Variants in AGL observed in about 807,000 individuals in gnomAD.
AGL encodes the protein amylo-alpha-1,6-glucosidase and 4-alpha-glucanotransferase, also known as glycogen debranching enzyme.
In AGL, 128 loss-of-function variants were observed where a neutral mutation model predicts 199.3. That is an observed-to-expected ratio of 0.64 (90% CI 0.56 to 0.74). AGL has a LOEUF of 0.74. AGL is among the 30% of genes least tolerant of loss of function. The pLI, the probability that AGL is intolerant of heterozygous loss-of-function variation, is 0.00. For synonymous variants in AGL, 584 were observed against 594.7 expected, an observed-to-expected ratio of 0.98 and a Z score of 0.26; for missense variants, 1,809 against 1,820.8, an observed-to-expected ratio of 0.99 and a Z score of 0.12.
At chr1:99,875,794 G>T (rs1484263981) in intron 10 of AGL, among the ~76,000 whole-genome samples, 1 of 151,950 alleles carries the variant, frequency 6.6e-6, no homozygotes, top group Non-Finnish European at 1.5e-5. Flanking sequence ...CAACTAGAGT[G>T]CAGTAAAAGC....
chr1:99,871,336 A>G (rs190937941), intron 7 of AGL, among the ~76,000 whole-genome samples: 21 of 152,158 alleles, frequency 1.4e-4, no homozygotes, highest in African/African-American at 4.8e-4. Context: ...TATTGAAGCC[A>G]GATATTGACG....
intron 12 of AGL, among the ~76,000 whole-genome samples, chr1:99,879,584 C>CAGTA (rs1553186145): frequency 2.6e-5 from 4 of 151,046 alleles, no homozygotes; most frequent in Non-Finnish European, 5.9e-5. Context: ...AACTTGGTCT[C>CAGTA]AATAAATAAA....
At chr1:99,916,828 C>G in intron 33 of AGL, 97 bp downstream of exon 33, 1 of 1,273,240 alleles carries the variant, frequency 7.9e-7, no homozygotes, top group Non-Finnish European at 1.1e-6. Context: ...TTTCTGTATG[C>G]CCTAGGTATC....
intron 4 of AGL, among the ~76,000 whole-genome samples, chr1:99,862,968 G>A (rs750504084): frequency 1.1e-4 from 17 of 151,018 alleles, no homozygotes; most frequent in Non-Finnish European, 2.4e-4. Flanking sequence ...TTTTTGAGAC[G>A]GAGTATCACC....
intron 5 of AGL, among the ~76,000 whole-genome samples, chr1:99,868,044 C>G (rs1006662890): frequency 6.6e-6 from 1 of 152,104 alleles, no homozygotes; most frequent in Non-Finnish European, 1.5e-5. Context: ...AGGATAATTT[C>G]CAGGGACTAA....
rs951209840 is a variant in AGL, at chr1:99,874,781, C to T, written c.1053C>T (p.Asn351=). 6.2e-7 allele frequency: 1 copy of T among 1,613,802 alleles called. No individual in the cohort carries two copies. The highest frequency in any genetic ancestry group is 8.5e-7 in the Non-Finnish European group (1 of 1,179,770). ...GGTTTGGCTGTACTGTAGATATGAA[C>T]ATTGCACTAACGACTTTCATACCAC... The part of the protein sequence containing the change: ...YRRFGCTVDM[N]IALTTFIPHD... Residue 351 remains asparagine (N), a synonymous_variant, in exon 8 of 34, where the codon AAC becomes AAT. Coordinates refer to ENST00000361915, the MANE Select transcript of AGL (RefSeq NM_000642.3).
chr1:99,920,760 T>C (rs1376872766), intron 33 of AGL, among the ~76,000 whole-genome samples: 1 of 152,168 alleles, frequency 6.6e-6, no homozygotes, highest in Admixed American at 6.5e-5. Flanking sequence ...ATGAAACAAA[T>C]ATGTTCCCAC....
At chr1:99,917,532 G>A (rs1182169846) in intron 33 of AGL, among the ~76,000 whole-genome samples, 1 of 152,046 alleles carries the variant, frequency 6.6e-6, no homozygotes, top group Non-Finnish European at 1.5e-5. Flanking sequence ...TTCTGCTTTT[G>A]GAATATTTAG....
At chr1:99,882,369 GTA>G (rs1300400798) in intron 17 of AGL, among the ~76,000 whole-genome samples, 1 of 152,090 alleles carries the variant, frequency 6.6e-6, no homozygotes, top group Non-Finnish European at 1.5e-5. Flanking sequence ...GTCTTTGTGT[GTA>G]TATATGCACA....
Position 99,877,649 on chromosome 1 carries a change from G to A in AGL, c.1432G>A (p.Val478Ile), listed in dbSNP as rs527819721. 112 of 1,613,952 alleles carry A rather than the reference G, an allele frequency of 6.9e-5. 1 individual carries two copies. In the South Asian group the frequency reaches 8.8e-4, roughly 13 times the overall value. ...LRNFAEPGSE[V>I]YLRRELICWG... ...ATCTCTTTTCTGAACAGGTTCAGAAGTTTACCTAAGGAGAGAACTTATTTG... is the reference window on the plus strand; with the variant it reads ...ATCTCTTTTCTGAACAGGTTCAGAAATTTACCTAAGGAGAGAACTTATTTG... The change falls in exon 12 of 34, where the codon GTT (valine) becomes ATT (isoleucine). Residue 478 changes from valine (V) to isoleucine (I), a missense_variant. Coordinates refer to ENST00000361915, the MANE Select transcript of AGL (RefSeq NM_000642.3).
chr1:99,894,802 A>T (rs1570470049), intron 24 of AGL, among the ~76,000 whole-genome samples: 2 of 152,218 alleles, frequency 1.3e-5, no homozygotes, highest in East Asian at 3.8e-4. Flanking sequence ...TCAAATATTT[A>T]TAGGTATATA....
intron 2 of AGL, among the ~76,000 whole-genome samples, chr1:99,855,276 A>T (rs1649328447): frequency 6.6e-6 from 1 of 152,190 alleles, no homozygotes; most frequent in Admixed American, 6.5e-5. Context: ...TAACCAATCA[A>T]ATGTGAGGAA....
intron 33 of AGL, among the ~76,000 whole-genome samples, chr1:99,917,962 C>T (rs1328912458): frequency 6.6e-6 from 1 of 152,072 alleles, no homozygotes; most frequent in Non-Finnish European, 1.5e-5. Context: ...AGTCTAATTA[C>T]TCTTATAGTT....
Position 99,891,749 on chromosome 1 carries a change from A to G in AGL, c.3083+10A>G. ...GGAAGCAGATGTCAAGGTATATCCA[A>G]CAAAGCTTGAATAAATGGGCATATC... On this transcript the variant is annotated intron_variant, in intron 23 of 33. Transcript: ENST00000361915. 6.2e-7 allele frequency: 1 copy of G among 1,613,320 alleles called. No homozygotes were observed. Among genetic ancestry groups the G allele is most frequent in the Non-Finnish European group, 8.5e-7 (1 of 1,179,484 alleles).
At chr1:99,921,365 T>C (rs1462376186) in intron 33 of AGL, among the ~76,000 whole-genome samples, 169 bp from the exon 34 acceptor site, 2 of 152,216 alleles carry the variant, frequency 1.3e-5, no homozygotes, top group East Asian at 1.9e-4. Context: ...TGTCAAAGAA[T>C]AATTTCAGTC....
chr1:99,919,073 T>C (rs1285321944), intron 33 of AGL, among the ~76,000 whole-genome samples: 1 of 152,190 alleles, frequency 6.6e-6, no homozygotes, highest in Admixed American at 6.5e-5. Context: ...TCTCTCTTTG[T>C]ACAGCTCCTT....
At position 99,858,908 on chromosome 1, in the gene AGL, C is replaced by T. The variant is rs190056907; in HGVS notation, c.83-2595C>T. On this transcript the variant is annotated intron_variant, in intron 2 of 33. Transcript: ENST00000361915. The stretch of plus-strand genomic sequence containing the variant: ...TTATAATTTACATAATCTATGAGAA[C>T]ATCATACATATATATTATATAAATA... Among the ~76,000 whole-genome samples, 8 of 151,826 alleles carry T rather than the reference C, an allele frequency of 5.3e-5. No homozygotes were observed. The East Asian group carries it at 1.4e-3, about 26-fold the overall frequency.
intron 7 of AGL, among the ~76,000 whole-genome samples, chr1:99,872,084 A>G (rs1013928309): frequency 1.3e-5 from 2 of 152,210 alleles, no homozygotes; most frequent in Non-Finnish European, 2.9e-5. Context: ...ATTATAGCTA[A>G]TTATTTCTTT....
chr1:99,882,207 C>G (rs1652097408), intron 17 of AGL, among the ~76,000 whole-genome samples: 1 of 151,202 alleles, frequency 6.6e-6, no homozygotes, highest in African/African-American at 2.4e-5. Context: ...AAAACCTAGA[C>G]AGAAATACTT....
Sources: allele counts gnomAD v4.1 joint callset (sites outside exome capture counted in the v4.1 genomes callset), GRCh38; gene constraint gnomAD v4.1.1; transcripts MANE v1.5; gene names NCBI Gene and HGNC (gene_info 2026-07-23, HGNC 2026-07-21).